Variants in CLOCK observed in about 807,000 individuals in gnomAD.
CLOCK encodes circadian locomoter output cycles protein kaput.
Under a neutral mutation model 118.4 loss-of-function variants are expected in CLOCK, and 43 were observed. The ratio of observed to expected loss-of-function variants is 0.36; its 90% confidence interval spans 0.28 to 0.47. CLOCK has a LOEUF of 0.47. Among genes scored for constraint, CLOCK ranks in the 20% least tolerant of loss-of-function variants. CLOCK has a pLI of 1.00. For synonymous variants in CLOCK, 326 were observed against 339.2 expected (o/e 0.96, Z 0.43); for missense variants, 846 against 999.9 (o/e 0.85, Z 2.08).
intron 3 of CLOCK, chr4:55,486,477 T>TA (rs1299908461): frequency 6.6e-6 from 1 of 152,220 alleles, no homozygotes. Flanking sequence ...TATTCCCTGT[T>TA]ACTTGTATCC....
rs1722785216 is a variant in CLOCK, at chr4:55,435,189, GTCAGAACTGGCTA to G, written c.*213_*225del. ...AAAATATCCAGGCACCTAAAACACT[GTCAGAACTGGCTA>G]TGCCCCTATGATCACCTCCTGCTGG... On this transcript the variant is annotated 3_prime_UTR_variant, in exon 23 of 23. Coordinates refer to ENST00000513440, the MANE Select transcript of CLOCK (RefSeq NM_004898.4). The G allele has an allele frequency of 1.8e-6, 1 of 559,648 alleles. No individual in the cohort carries two copies. Among genetic ancestry groups the G allele is most frequent in the East Asian group, 3.1e-5 (1 of 32,628 alleles). The allele number at this position is 559,648 out of a possible 1,614,324, so 34.7% of individuals were successfully genotyped here. A position where few individuals can be genotyped will look rare whatever the true frequency, so the allele number is the denominator to read the frequency against.
Position 55,433,338 on chromosome 4 carries a change from G to A in CLOCK, c.*2077C>T, listed in dbSNP as rs1285148344. On this transcript the variant is annotated 3_prime_UTR_variant, in exon 23 of 23. Transcript: ENST00000513440. Reference sequence around the variant, plus strand: ...ATCTAGTCACACTTCTTTTGTAGAAGGGTAAGTACCAATTTTCTTTGGTTG... The same window carrying A: ...ATCTAGTCACACTTCTTTTGTAGAAAGGTAAGTACCAATTTTCTTTGGTTG... 1 of 152,552 alleles carries A rather than the reference G, an allele frequency of 6.6e-6. No individual in the cohort carries two copies. Among genetic ancestry groups the A allele is most frequent in the Admixed American group, 6.6e-5 (1 of 15,264 alleles). The allele number at this position is 152,552 out of a possible 1,614,324, so 9.4% of individuals were successfully genotyped here.
intron 1 of CLOCK, chr4:55,545,553 A>G (rs946164381): frequency 8.5e-5 from 13 of 152,174 alleles, no homozygotes; most frequent in African/African-American, 2.7e-4. Context: ...TTTTTTAAAG[A>G]AGGCTAAAAA....
intron 1 of CLOCK, among the ~76,000 whole-genome samples, chr4:55,538,039 G>A (rs547176678): frequency 1.3e-5 from 2 of 152,234 alleles, no homozygotes; most frequent in Admixed American, 6.5e-5. Context: ...TAAACTTCTA[G>A]CCAGACTAAT....
intron 1 of CLOCK, among the ~76,000 whole-genome samples, chr4:55,528,944 C>A (rs1730371530): frequency 6.6e-6 from 1 of 152,158 alleles, no homozygotes; most frequent in African/African-American, 2.4e-5. Context: ...TGCCAGCAAA[C>A]AAGAGATGCT....
chr4:55,528,458 AGAT>A (rs1165856496), intron 1 of CLOCK, among the ~76,000 whole-genome samples: 1 of 152,122 alleles, frequency 6.6e-6, no homozygotes, highest in East Asian at 1.9e-4. Context: ...GGAGTGAATG[AGAT>A]GATGATGGTG....
intron 4 of CLOCK, among the ~76,000 whole-genome samples, chr4:55,480,188 CACTCATGT>C (rs1726821117): frequency 6.6e-6 from 1 of 152,198 alleles, no homozygotes; most frequent in Non-Finnish European, 1.5e-5. Context: ...TATGTATTAG[CACTCATGT>C]GCTCTGTTCT....
chr4:55,486,274 T>A (rs1376017909), intron 3 of CLOCK: 3 of 152,232 alleles, frequency 2.0e-5, no homozygotes, highest in Non-Finnish European at 4.4e-5. Context: ...AATTCTTCCC[T>A]GTCTGTATCT....
intron 8 of CLOCK, among the ~76,000 whole-genome samples, 171 bp from the exon 9 acceptor site, chr4:55,463,976 C>G (rs17085780): frequency 1.3e-5 from 2 of 152,258 alleles, no homozygotes; most frequent in East Asian, 3.9e-4. Flanking sequence ...ATCATACTAA[C>G]GTCATCCAAT....
chr4:55,523,155 C>T (rs1377758040), intron 1 of CLOCK, among the ~76,000 whole-genome samples: 3 of 150,808 alleles, frequency 2.0e-5, no homozygotes, highest in Admixed American at 6.6e-5. Context: ...AAAAAATTAG[C>T]TAGGCATGGT....
chr4:55,490,612 T>C (rs1345820167), intron 2 of CLOCK, among the ~76,000 whole-genome samples: 2 of 152,170 alleles, frequency 1.3e-5, no homozygotes, highest in Admixed American at 1.3e-4. Context: ...TGATGTAGTA[T>C]TTGCCTATAA....
intron 8 of CLOCK, among the ~76,000 whole-genome samples, chr4:55,465,608 AG>A (rs1725680538): frequency 6.6e-6 from 1 of 152,212 alleles, no homozygotes. Context: ...ATTTCAGTAA[AG>A]GATTTTTCTG....
intron 4 of CLOCK, 132 bp from the exon 5 acceptor site, chr4:55,479,831 A>C: frequency 1.4e-6 from 1 of 697,254 alleles, no homozygotes; most frequent in Non-Finnish European, 2.6e-6. Flanking sequence ...TCAAACTACT[A>C]ACCTATTTCC....
intron 3 of CLOCK, among the ~76,000 whole-genome samples, chr4:55,484,733 A>G (rs1420098713): frequency 2.6e-5 from 4 of 152,262 alleles, no homozygotes; most frequent in African/African-American, 9.6e-5. Flanking sequence ...CAAAAGGTAG[A>G]AAATAAGACA....
chr4:55,544,512 A>C (rs1284330005), intron 1 of CLOCK, among the ~76,000 whole-genome samples: 1 of 152,226 alleles, frequency 6.6e-6, no homozygotes, highest in African/African-American at 2.4e-5. Flanking sequence ...TTAAAAGATA[A>C]ATGCCTGTGA....
intron 1 of CLOCK, among the ~76,000 whole-genome samples, chr4:55,514,571 C>T (rs1729369743): frequency 6.7e-6 from 1 of 149,976 alleles, no homozygotes. Flanking sequence ...AAGTTTCTCT[C>T]TATTCCAAGT....
chr4:55,525,021 C>G (rs1282188396), intron 1 of CLOCK, among the ~76,000 whole-genome samples: 2 of 151,648 alleles, frequency 1.3e-5, no homozygotes, highest in Non-Finnish European at 2.9e-5. Context: ...TTCATATTAT[C>G]TTTTAGGAGG....
chr4:55,483,810 G>A (rs1727102675), intron 3 of CLOCK, among the ~76,000 whole-genome samples: 1 of 152,184 alleles, frequency 6.6e-6, no homozygotes, highest in Admixed American at 6.5e-5. Flanking sequence ...GTACAGGAGA[G>A]TCTTACTATA....
chr4:55,431,487 A>T lies in CLOCK; in HGVS notation c.*3928T>A, dbSNP rs1316835449. The T allele has an allele frequency of 6.6e-6, 1 of 152,212 alleles. No individual in the cohort carries two copies. Among genetic ancestry groups the T allele is most frequent in the Non-Finnish European group, 1.5e-5 (1 of 68,032 alleles). The allele number at this position is 152,212 out of a possible 1,614,324, so 9.4% of individuals were successfully genotyped here. A position where few individuals can be genotyped will look rare whatever the true frequency, so the allele number is the denominator to read the frequency against. On this transcript the variant is annotated 3_prime_UTR_variant, in exon 23 of 23. Coordinates refer to ENST00000513440, the MANE Select transcript of CLOCK (RefSeq NM_004898.4). ...AAGGTTCTCTTTCTCCAAACACTTA[A>T]AATGGCAAGTGCCTTTGTGCTGTTT...
Sources: allele counts gnomAD v4.1 joint callset (sites outside exome capture counted in the v4.1 genomes callset), GRCh38; gene constraint gnomAD v4.1.1; transcripts MANE v1.5; gene names NCBI Gene and HGNC (gene_info 2026-07-23, HGNC 2026-07-21).